Variants in TRIM23 observed in about 807,000 individuals in gnomAD.
TRIM23 encodes tripartite motif containing 23.
A neutral mutation model predicts 71.0 loss-of-function variants in TRIM23; 27 were observed. The observed-to-expected ratio is 0.38, with a 90% CI of 0.28 to 0.52. The LOEUF is 0.52. TRIM23 is among the 20% of genes least tolerant of loss of function. The pLI, the probability that TRIM23 is intolerant of heterozygous loss-of-function variation, is 0.84. For missense variants in TRIM23, 482 were observed against 692.3 expected, an observed-to-expected ratio of 0.70 and a Z score of 3.41; for synonymous variants, 234 against 238.0, an observed-to-expected ratio of 0.98 and a Z score of 0.16.
rs147477159 is a variant in TRIM23 at position 65,615,644 on chromosome 5, A to G, written c.245-1425T>C. On this transcript the variant is annotated intron_variant, in intron 2 of 10. Transcript: ENST00000231524. Reference sequence around the variant, plus strand: ...CTTAATTTTTAACACATATTCTACAACAAGCTGAGTTCTATCTATTTACAT... The same window carrying G: ...CTTAATTTTTAACACATATTCTACAGCAAGCTGAGTTCTATCTATTTACAT... Among the ~76,000 whole-genome samples, 1,068 of 152,282 alleles carry G rather than the reference A, an allele frequency of 7.0e-3. 43 individuals carry two copies. Among genetic ancestry groups the G allele is most frequent in the Admixed American group, 0.066 (1,004 of 15,278 alleles).
intron 2 of TRIM23, among the ~76,000 whole-genome samples, chr5:65,614,968 G>A (rs1015318080): frequency 2.5e-4 from 38 of 151,938 alleles, no homozygotes; most frequent in Non-Finnish European, 3.5e-4. Context: ...CGTGATCTCT[G>A]CTCATTGCAA....
At position 65,604,822 on chromosome 5, in the gene TRIM23, T is replaced by A. The variant is rs543565796; in HGVS notation, c.1179+89A>T. On this transcript the variant is annotated intron_variant, in intron 7 of 10. Coordinates refer to ENST00000231524, the MANE Select transcript of TRIM23 (RefSeq NM_001656.4). ...AAAAGCCCCTAATTCATGAATTTCA[T>A]GGTTGTCTCTTTAAGGTGATTATCA... 58 of 1,280,714 alleles carry A rather than the reference T, an allele frequency of 4.5e-5. No homozygotes were observed. The South Asian group carries it at 8.4e-4, about 18-fold the overall frequency. The allele number at this position is 1,280,714 out of a possible 1,614,324, so 79.3% of individuals were successfully genotyped here.
intron 7 of TRIM23, among the ~76,000 whole-genome samples, chr5:65,597,921 G>C (rs1309393911): frequency 6.6e-6 from 1 of 152,134 alleles, no homozygotes; most frequent in Non-Finnish European, 1.5e-5. Context: ...TAGGATTCTT[G>C]AAAGGATTAA....
chr5:65,594,675 A>C, intron 9 of TRIM23, 30 bp from the exon 10 acceptor site: 2 of 1,527,234 alleles, frequency 1.3e-6, no homozygotes, highest in Non-Finnish European at 1.8e-6. Flanking sequence ...AAAAACAAAA[A>C]TAGTCACTTG....
At chr5:65,619,916 T>C (rs1356828694) in intron 1 of TRIM23, among the ~76,000 whole-genome samples, 1 of 152,076 alleles carries the variant, frequency 6.6e-6, no homozygotes, top group Admixed American at 6.5e-5. Context: ...ATCCCATCTC[T>C]ACTAAAAATA....
Position 65,610,909 on chromosome 5 carries a change from T to C in TRIM23, c.780A>G (p.Gly260=). ...TTCCATCTTCCACGATTTGTTCTCC[T>C]CCTTCAATGTGCTGCACAATTCCAA... The part of the protein sequence containing the change: ...KLVGIVQHIE[G]GEQIVEDGIG... The change falls in exon 5 of 11, where the codon GGA becomes GGG. Residue 260 remains glycine, a synonymous_variant. Transcript: ENST00000231524. The C allele has an allele frequency of 1.2e-6, 2 of 1,613,398 alleles. No individual in the cohort carries two copies. Among genetic ancestry groups the C allele is most frequent in the Non-Finnish European group, 1.7e-6 (2 of 1,179,798 alleles).
chr5:65,609,383 G>A lies in TRIM23; in HGVS notation c.904C>T (p.Gln302Ter), dbSNP rs757395931. The A allele has an allele frequency of 1.9e-6, 3 of 1,614,066 alleles. No homozygotes were observed. The Admixed American group carries it at 5.0e-5, about 27-fold the overall frequency. ...ACAACACTTAGAGCCATTTCTTCTTGACGACACAGAGTTTCATGTAGATCA... is the reference window on the plus strand; with the variant it reads ...ACAACACTTAGAGCCATTTCTTCTTAACGACACAGAGTTTCATGTAGATCA... ...FYDLHETLCR[Q>*]EEMALSVVDA... Residue 302 changes from glutamine (Q) to a stop codon, truncating the protein, a stop_gained, in exon 6 of 11, where the codon CAA becomes TAA. Transcript: ENST00000231524. LOFTEE classifies it high-confidence loss of function.
At chr5:65,609,148 G>C in intron 6 of TRIM23, 95 bp downstream of exon 6, 1 of 1,261,292 alleles carries the variant, frequency 7.9e-7, no homozygotes, top group Middle Eastern at 2.5e-4. Flanking sequence ...GCATACAGCA[G>C]ACACAAAATA....
rs1035696417 is a variant in TRIM23 at position 65,591,324 on chromosome 5, T to G, written c.*445A>C. On this transcript the variant is annotated 3_prime_UTR_variant, in exon 11 of 11. Coordinates refer to ENST00000231524, the MANE Select transcript of TRIM23 (RefSeq NM_001656.4). Reference sequence around the variant, plus strand: ...AACTGTCATTTCTACTACTAAATGCTGCCAACATTCAGTGAAAAGGCAGGT... The same window carrying G: ...AACTGTCATTTCTACTACTAAATGCGGCCAACATTCAGTGAAAAGGCAGGT... The G allele has an allele frequency of 8.4e-6, 12 of 1,425,384 alleles. No individual in the cohort carries two copies. In the African/African-American group the frequency reaches 1.8e-4, roughly 22 times the overall value. 88.3% of individuals were successfully genotyped at this position (1,425,384 alleles called of 1,614,324 possible).
intron 1 of TRIM23, 104 bp downstream of exon 1, chr5:65,624,090 C>T (rs951439506): frequency 2.2e-6 from 3 of 1,372,552 alleles, no homozygotes; most frequent in Middle Eastern, 1.8e-4. Context: ...CCAGAGGCCG[C>T]GCATCCCACC....
rs373598383 is a variant in TRIM23 at position 65,614,082 on chromosome 5, C to T, written c.366+16G>A. 1.7e-4 allele frequency: 270 copies of T among 1,605,300 alleles called. No individual in the cohort carries two copies. Among genetic ancestry groups the T allele is most frequent in the Non-Finnish European group, 2.2e-4 (260 of 1,177,180 alleles). On this transcript the variant is annotated intron_variant, in intron 3 of 10. Coordinates refer to ENST00000231524, the MANE Select transcript of TRIM23 (RefSeq NM_001656.4). ...TTCATGCTCGTAACAAATATTTCAC[C>T]AAGTATGATCAATACCTCTCCAGAT...
At chr5:65,623,740 G>A (rs965493104) in intron 1 of TRIM23, among the ~76,000 whole-genome samples, 7 of 152,276 alleles carry the variant, frequency 4.6e-5, no homozygotes, top group African/African-American at 1.7e-4. Context: ...CCGGGGCTCT[G>A]CCACACACTG....
At chr5:65,595,750 T>G (rs1346982883) in intron 9 of TRIM23, among the ~76,000 whole-genome samples, 1 of 151,964 alleles carries the variant, frequency 6.6e-6, no homozygotes, top group Non-Finnish European at 1.5e-5. Context: ...TTTTTTCTAT[T>G]AATTATGGCT....
Position 65,591,645 on chromosome 5 carries a change from T to TTATATACA in TRIM23, c.*123_*124insTGTATATA. 1.4e-6 allele frequency: 1 copy of TTATATACA among 714,510 alleles called. No homozygotes were observed. The highest frequency in any genetic ancestry group is 1.9e-6 in the Non-Finnish European group (1 of 534,390). The allele number at this position is 714,510 out of a possible 1,614,324, so 44.3% of individuals were successfully genotyped here. ...ACTGAATTCCCAATCCAAGATTCCTTTATATATATATATATATATATGCAT... is the reference window on the plus strand; with the variant it reads ...ACTGAATTCCCAATCCAAGATTCCTTTATATACATATATATATATATATATATATGCAT... On this transcript the variant is annotated 3_prime_UTR_variant, in exon 11 of 11. Coordinates refer to ENST00000231524, the MANE Select transcript of TRIM23 (RefSeq NM_001656.4).
At chr5:65,613,820 A>G (rs1300755140) in intron 3 of TRIM23, 2 of 1,339,504 alleles carry the variant, frequency 1.5e-6, no homozygotes, top group Non-Finnish European at 2.0e-6. Flanking sequence ...ACTATTCCAT[A>G]ATCTTCTTCC....
chr5:65,609,608 T>C (rs1581185320), intron 5 of TRIM23, 150 bp from the exon 6 acceptor site: 3 of 762,324 alleles, frequency 3.9e-6, no homozygotes. Flanking sequence ...CATGTGCCTG[T>C]AGTCCCAGCT....
chr5:65,617,342 T>C (rs1338100027), intron 2 of TRIM23, among the ~76,000 whole-genome samples: 1 of 152,214 alleles, frequency 6.6e-6, no homozygotes, highest in East Asian at 1.9e-4. Flanking sequence ...ATTTTGAATG[T>C]GTTCCACTTG....
chr5:65,620,530 A>T (rs1414341765), intron 1 of TRIM23, among the ~76,000 whole-genome samples: 2 of 152,084 alleles, frequency 1.3e-5, no homozygotes, highest in East Asian at 3.9e-4. Flanking sequence ...ATTAAAACAA[A>T]AAGAAAAATA....
intron 7 of TRIM23, among the ~76,000 whole-genome samples, chr5:65,602,805 A>C (rs1350758732): frequency 1.3e-5 from 2 of 152,104 alleles, no homozygotes; most frequent in East Asian, 1.9e-4. Context: ...ATTAGCTCTC[A>C]TGAGACTTAT....
Sources: allele counts gnomAD v4.1 joint callset (sites outside exome capture counted in the v4.1 genomes callset), GRCh38; gene constraint gnomAD v4.1.1; transcripts MANE v1.5; gene names NCBI Gene and HGNC (gene_info 2026-07-23, HGNC 2026-07-21).